Variants in SEPHS1 observed in about 807,000 individuals in gnomAD.
The protein encoded by SEPHS1 is selenophosphate synthetase 1, also known as zincore component SEPHS1.
In SEPHS1, 7 loss-of-function variants were observed where a neutral mutation model predicts 39.2. That is an observed-to-expected ratio of 0.18 (90% CI 0.10 to 0.34). SEPHS1 has a LOEUF of 0.34. Ranked by LOEUF, SEPHS1 falls within the 10% of genes least tolerant of loss-of-function variation. The pLI, the probability that SEPHS1 is intolerant of heterozygous loss-of-function variation, is 1.00. For missense variants in SEPHS1, 253 were observed against 514.5 expected (o/e 0.49, Z 4.92); for synonymous variants, 190 against 195.5 (o/e 0.97, Z 0.23).
chr10:13,341,047 C>T (rs989678419), intron 2 of SEPHS1, among the ~76,000 whole-genome samples: 10 of 152,166 alleles, frequency 6.6e-5, no homozygotes, highest in Non-Finnish European at 1.2e-4. Context: ...ATTAATTCCA[C>T]CTGATTTTTG....
chr10:13,345,053 T>C, intron 1 of SEPHS1, 25 bp from the exon 2 acceptor site: 1 of 1,081,908 alleles, frequency 9.2e-7, no homozygotes, highest in Non-Finnish European at 1.3e-6. Context: ...AACACAAAGA[T>C]GCCATGAAAA....
rs1833753986 is a variant in SEPHS1, at chr10:13,340,611, T to C, written c.194-1803A>G. 2 of 152,262 alleles carry C rather than the reference T, an allele frequency of 1.3e-5. 1 individual carries two copies. Among genetic ancestry groups the C allele is most frequent in the Admixed American group, 1.3e-4 (2 of 15,284 alleles). 9.4% of individuals were successfully genotyped at this position (152,262 alleles called of 1,614,324 possible). A position where few individuals can be genotyped will look rare whatever the true frequency, so the allele number is the denominator to read the frequency against. ...GCTTCCATTTAAACTGGAGGACTAC[T>C]GAAAGAGAAACTAAAATTGTTGCTG... On this transcript the variant is annotated intron_variant, in intron 2 of 8. Transcript: ENST00000327347.
At chr10:13,340,708 C>T (rs1833755998) in intron 2 of SEPHS1, 1 of 152,174 alleles carries the variant, frequency 6.6e-6, no homozygotes, top group African/African-American at 2.4e-5. Context: ...TTGTAAAGCG[C>T]TTTATTTCTA....
rs2131678517 is a variant in SEPHS1 at position 13,318,841 on chromosome 10, C to G, written c.*301G>C. ...TAATGCCTGTGCTATGTGAAAGCAC[C>G]TTTAAAAAGCCTATGCGGCAAGAGA... On this transcript the variant is annotated 3_prime_UTR_variant, in exon 9 of 9. Coordinates refer to ENST00000327347, the MANE Select transcript of SEPHS1 (RefSeq NM_012247.5). The G allele has an allele frequency of 8.7e-6, 3 of 345,078 alleles. No individual in the cohort carries two copies. The East Asian group carries it at 2.3e-4, about 27-fold the overall frequency. The allele number at this position is 345,078 out of a possible 1,614,324, so 21.4% of individuals were successfully genotyped here.
chr10:13,325,451 T>C (rs986190948), intron 7 of SEPHS1, among the ~76,000 whole-genome samples: 1 of 152,178 alleles, frequency 6.6e-6, no homozygotes, highest in African/African-American at 2.4e-5. Context: ...TGAATTCTCA[T>C]GAGATCTGAT....
chr10:13,333,389 T>C (rs1833526023), intron 5 of SEPHS1, among the ~76,000 whole-genome samples: 1 of 151,764 alleles, frequency 6.6e-6, no homozygotes, highest in Non-Finnish European at 1.5e-5. Context: ...CGCCTTGGCC[T>C]CCAAAAGCGC....
chr10:13,329,430 A>G (rs1467614899), intron 6 of SEPHS1, among the ~76,000 whole-genome samples: 1 of 152,202 alleles, frequency 6.6e-6, no homozygotes, highest in Non-Finnish European at 1.5e-5. Context: ...CTCAGGGCCA[A>G]GTAAACAAAG....
chr10:13,323,392 T>C (rs1833170548), intron 7 of SEPHS1, among the ~76,000 whole-genome samples: 1 of 152,108 alleles, frequency 6.6e-6, no homozygotes, highest in African/African-American at 2.4e-5. Flanking sequence ...TCTCGCTCTG[T>C]CATCCAGGCT....
At position 13,320,888 on chromosome 10, in the gene SEPHS1, C is replaced by T. The variant is rs370563473; in HGVS notation, c.965-1532G>A. On this transcript the variant is annotated intron_variant, in intron 8 of 8. Coordinates refer to ENST00000327347, the MANE Select transcript of SEPHS1 (RefSeq NM_012247.5). The stretch of plus-strand genomic sequence containing the variant: ...ACAAATTTAAATGGCTGGTAACATT[C>T]GTCAATTCATTCAATTTCCATTCAG... 1.1e-4 allele frequency among the ~76,000 whole-genome samples: 17 copies of T among 152,134 alleles called. No individual in the cohort carries two copies. In the East Asian group the frequency reaches 2.7e-3, roughly 24 times the overall value.
chr10:13,336,060 A>T (rs1833623522), intron 4 of SEPHS1, among the ~76,000 whole-genome samples, 183 bp downstream of exon 4: 1 of 151,576 alleles, frequency 6.6e-6, no homozygotes, highest in African/African-American at 2.4e-5. Context: ...TGCAGAGATG[A>T]CTAGGCCAGG....
intron 5 of SEPHS1, among the ~76,000 whole-genome samples, chr10:13,332,408 G>T (rs1162047582): frequency 6.6e-6 from 1 of 152,192 alleles, no homozygotes; most frequent in Non-Finnish European, 1.5e-5. Context: ...TCTTTTTGGG[G>T]TGATGAAAAC....
At chr10:13,322,428 G>C (rs1238551792) in intron 8 of SEPHS1, among the ~76,000 whole-genome samples, 2 of 152,108 alleles carry the variant, frequency 1.3e-5, no homozygotes, top group African/African-American at 4.8e-5. Context: ...TTACAGGCAA[G>C]AGCCACCACA....
chr10:13,341,756 A>C (rs1389610146), intron 2 of SEPHS1, among the ~76,000 whole-genome samples: 1 of 151,654 alleles, frequency 6.6e-6, no homozygotes, highest in Admixed American at 6.6e-5. Context: ...CAGGAGTTCC[A>C]GACCAGCCTG....
In SEPHS1 at chr10:13,329,824, A is replaced by G. The variant is rs773282243; in HGVS notation, c.561-36T>C. 6.7e-6 allele frequency: 10 copies of G among 1,493,756 alleles called. No homozygotes were observed. In the East Asian group the frequency reaches 2.1e-4, roughly 31 times the overall value. 92.5% of individuals were successfully genotyped at this position (1,493,756 alleles called of 1,614,324 possible). ...GAAAAGGGCATGTTCTAGTCAAACT[A>G]ACCAAGGAGATGAGCTCATTGTTAT... On this transcript the variant is annotated intron_variant, in intron 5 of 8. Transcript: ENST00000327347.
intron 1 of SEPHS1, chr10:13,345,546 T>C (rs1046685440): frequency 6.6e-6 from 1 of 152,246 alleles, no homozygotes; most frequent in African/African-American, 2.4e-5. Context: ...CGATGCTAAA[T>C]CCTTATTTTA....
intron 7 of SEPHS1, among the ~76,000 whole-genome samples, chr10:13,325,731 T>C (rs1346796098): frequency 1.3e-5 from 2 of 152,010 alleles, no homozygotes; most frequent in South Asian, 4.2e-4. Context: ...ACCCCGTCTC[T>C]ACTAAAAATA....
At chr10:13,322,331 A>T (rs545767394) in intron 8 of SEPHS1, among the ~76,000 whole-genome samples, 46 of 151,934 alleles carry the variant, frequency 3.0e-4, no homozygotes, top group Admixed American at 2.6e-3. Context: ...TTTTTAGTGA[A>T]GATGGGGTTT....
At chr10:13,321,156 G>T (rs934652496) in intron 8 of SEPHS1, among the ~76,000 whole-genome samples, 1 of 152,128 alleles carries the variant, frequency 6.6e-6, no homozygotes, top group African/African-American at 2.4e-5. Flanking sequence ...GCCTACTACG[G>T]AATCTCCCAG....
chr10:13,324,499 G>C (rs1424454331), intron 7 of SEPHS1, among the ~76,000 whole-genome samples: 1 of 152,240 alleles, frequency 6.6e-6, no homozygotes, highest in Non-Finnish European at 1.5e-5. Flanking sequence ...AGTTTCATAA[G>C]AAACTGCCAA....
Sources: allele counts gnomAD v4.1 joint callset (sites outside exome capture counted in the v4.1 genomes callset), GRCh38; gene constraint gnomAD v4.1.1; transcripts MANE v1.5; gene names NCBI Gene and HGNC (gene_info 2026-07-23, HGNC 2026-07-21).